The following PTPRN2 variants were observed in gnomAD, a reference collection of about 807,000 sequenced individuals.
PTPRN2 encodes protein tyrosine phosphatase receptor type N2.
Under a neutral mutation model 118.8 loss-of-function variants are expected in PTPRN2, and 74 were observed. The observed-to-expected ratio is 0.62, with a 90% CI of 0.52 to 0.76. The LOEUF (loss-of-function observed/expected upper bound fraction) is 0.76, where lower values mean the gene tolerates loss of function less well. PTPRN2 is among the 30% of genes least tolerant of loss of function. The probability of loss-of-function intolerance (pLI) is 0.00; values close to 1 mark genes in which losing one functional copy is unlikely to be tolerated. For synonymous variants in PTPRN2, 641 were observed against 608.0 expected, an observed-to-expected ratio of 1.05 and a Z score of -0.80; for missense variants, 1,481 against 1,394.4, an observed-to-expected ratio of 1.06 and a Z score of -0.99.
chr7:157,714,289 C>T (rs1211633634), intron 12 of PTPRN2, among the ~76,000 whole-genome samples: 2 of 152,216 alleles, frequency 1.3e-5, no homozygotes, highest in Admixed American at 1.3e-4. Context: ...CAGTATAGTA[C>T]AGTCCGTTAA....
chr7:157,953,482 C>A lies in PTPRN2; in HGVS notation c.1724-54745G>T, dbSNP rs1211851360. On this transcript the variant is annotated intron_variant, in intron 11 of 22. Coordinates refer to ENST00000389418, the MANE Select transcript of PTPRN2 (RefSeq NM_002847.5). The surrounding 1 kb of genome is among the most constrained non-coding windows in gnomAD (Gnocchi z 4.6). ...GGAGTGCCCGTCACCACCTGCCCAC[C>A]TTCTTCACACCATGAGGCTGCTGGC... Among the ~76,000 whole-genome samples, 1 of 152,184 alleles carries A rather than the reference C, an allele frequency of 6.6e-6. No individual in the cohort carries two copies. Among genetic ancestry groups the A allele is most frequent in the Non-Finnish European group, 1.5e-5 (1 of 68,036 alleles).
chr7:157,661,470 C>G (rs571922562), intron 13 of PTPRN2, among the ~76,000 whole-genome samples: 2 of 143,896 alleles, frequency 1.4e-5, no homozygotes, highest in African/African-American at 2.5e-5. Flanking sequence ...CGCCTGGGAA[C>G]GGGGGCGGGT....
chr7:158,493,247 G>A (rs796128688), intron 1 of PTPRN2, among the ~76,000 whole-genome samples: 10 of 152,222 alleles, frequency 6.6e-5, no homozygotes, highest in African/African-American at 2.4e-4. Flanking sequence ...ATACACACAT[G>A]CACCCACAAG....
chr7:158,334,299 C>G (rs62480921), intron 2 of PTPRN2, among the ~76,000 whole-genome samples: 289 of 2,712 alleles, frequency 0.11, 79 homozygotes, highest in East Asian at 0.24. Context: ...ACCATAAGAG[C>G]TGACACCTGC....
At chr7:158,413,043 A>C (rs924037452) in intron 2 of PTPRN2, among the ~76,000 whole-genome samples, 1 of 147,410 alleles carries the variant, frequency 6.8e-6, no homozygotes, top group African/African-American at 2.5e-5. Flanking sequence ...TCCAGGGCCC[A>C]TCCAGTGCCC....
intron 2 of PTPRN2, among the ~76,000 whole-genome samples, chr7:158,340,772 A>C (rs1806586734): frequency 1.3e-5 from 1 of 79,914 alleles, no homozygotes; most frequent in Non-Finnish European, 2.5e-5. Context: ...CCACACTCTC[A>C]CCATAATTGG....
At chr7:157,917,729 C>T (rs1266093123) in intron 11 of PTPRN2, among the ~76,000 whole-genome samples, 3 of 152,012 alleles carry the variant, frequency 2.0e-5, no homozygotes, top group Non-Finnish European at 2.9e-5. Context: ...CAATTTTCAA[C>T]GCGTGGTCCT....
chr7:158,153,696 T>A (rs1821420286), intron 6 of PTPRN2, among the ~76,000 whole-genome samples: 1 of 152,136 alleles, frequency 6.6e-6, no homozygotes, highest in Non-Finnish European at 1.5e-5. Context: ...CAGCTTTGAT[T>A]TTTACTGAGT....
intron 6 of PTPRN2, among the ~76,000 whole-genome samples, chr7:158,143,158 A>C (rs1366187836): frequency 1.3e-5 from 2 of 152,196 alleles, no homozygotes; most frequent in Non-Finnish European, 2.9e-5. Flanking sequence ...CAATGCTGGC[A>C]ACAAAGGGCT....
intron 3 of PTPRN2, among the ~76,000 whole-genome samples, chr7:158,235,492 TAGAA>T (rs1282668685): frequency 1.3e-5 from 2 of 152,104 alleles, no homozygotes; most frequent in African/African-American, 4.8e-5. Context: ...AAGCCAAACA[TAGAA>T]AGACAAATAC....
Position 158,228,739 on chromosome 7 carries a change from C to G in PTPRN2, c.278-23466G>C, listed in dbSNP as rs147902815. On this transcript the variant is annotated intron_variant, in intron 3 of 22. Transcript: ENST00000389418. ...GCATCAAGAGTATGGGAAATTTCCC[C>G]TCAACTCATAGCTTCTATGCTGGAA... 8.0e-4 allele frequency among the ~76,000 whole-genome samples: 122 copies of G among 152,202 alleles called. 2 individuals are homozygous for G. In the East Asian group the frequency reaches 0.021, roughly 26 times the overall value.
chr7:158,214,227 A>G (rs1163327104), intron 3 of PTPRN2, among the ~76,000 whole-genome samples: 3 of 152,096 alleles, frequency 2.0e-5, no homozygotes, highest in Non-Finnish European at 4.4e-5. Flanking sequence ...CTTCCCACTA[A>G]GTACAACTAA....
intron 12 of PTPRN2, among the ~76,000 whole-genome samples, chr7:157,825,198 G>A (rs1221497393): frequency 6.6e-6 from 1 of 152,200 alleles, no homozygotes; most frequent in African/African-American, 2.4e-5. Context: ...CCAAGTGAGA[G>A]TTGTGTGCTG....
chr7:157,856,879 A>T (rs1322347148), intron 12 of PTPRN2, among the ~76,000 whole-genome samples: 1 of 152,224 alleles, frequency 6.6e-6, no homozygotes, highest in Non-Finnish European at 1.5e-5. Flanking sequence ...GTACACCAAG[A>T]AAGGTTTGAA....
chr7:158,327,903 C>T (rs111253198), intron 2 of PTPRN2, among the ~76,000 whole-genome samples: 9 of 152,112 alleles, frequency 5.9e-5, no homozygotes, highest in African/African-American at 1.9e-4. Flanking sequence ...GCACCACAGA[C>T]GGAGGAGCCC....
At chr7:158,200,680 CAAAGAGTA>C (rs1481162215) in intron 4 of PTPRN2, among the ~76,000 whole-genome samples, 2 of 152,012 alleles carry the variant, frequency 1.3e-5, no homozygotes, top group Non-Finnish European at 2.9e-5. Context: ...TCAAAATTAC[CAAAGAGTA>C]AAAGTTGAAC....
At chr7:158,121,476 C>T (rs1817168195) in intron 9 of PTPRN2, among the ~76,000 whole-genome samples, 1 of 152,214 alleles carries the variant, frequency 6.6e-6, no homozygotes, top group Non-Finnish European at 1.5e-5. Flanking sequence ...GAGTTTGTTT[C>T]TTCCAAGCCT....
intron 2 of PTPRN2, among the ~76,000 whole-genome samples, chr7:158,327,706 G>C (rs946030953): frequency 6.6e-6 from 1 of 152,182 alleles, no homozygotes; most frequent in African/African-American, 2.4e-5. Context: ...TGCCTCCCCT[G>C]CTGGGGTCCC....
In PTPRN2 at chr7:157,944,727, C is replaced by T. The variant is rs185278156; in HGVS notation, c.1724-45990G>A. Among the ~76,000 whole-genome samples the T allele has an allele frequency of 1.3e-5, 2 of 152,324 alleles. No homozygotes were observed. Among genetic ancestry groups the T allele is most frequent in the East Asian group, 1.9e-4 (1 of 5,184 alleles). ...CAGTGACCACTGTCCAGCAGGTCCACGTGCATGGATGAGAGCTGTGCCCCT... is the reference window on the plus strand; with the variant it reads ...CAGTGACCACTGTCCAGCAGGTCCATGTGCATGGATGAGAGCTGTGCCCCT... On this transcript the variant is annotated intron_variant, in intron 11 of 22. Coordinates refer to ENST00000389418, the MANE Select transcript of PTPRN2 (RefSeq NM_002847.5). The surrounding 1 kb of genome is among the most constrained non-coding windows in gnomAD (Gnocchi z 4.3).
Sources: gnomAD v4.1 joint callset for allele counts (sites outside exome capture counted in the v4.1 genomes callset) on GRCh38, gnomAD v4.1.1 for gene constraint, Gnocchi (gnomAD v3.1) non-coding constraint, MANE v1.5 for transcripts, NCBI Gene and HGNC (gene_info 2026-07-23, HGNC 2026-07-21) for gene names.